TMC1: variants seen among roughly 807,000 people sequenced by gnomAD.
TMC1 encodes transmembrane channel like 1.
Under a neutral mutation model 105.8 loss-of-function variants are expected in TMC1, and 84 were observed. The observed-to-expected ratio is 0.79, with a 90% CI of 0.67 to 0.95. The LOEUF (loss-of-function observed/expected upper bound fraction) is 0.95. Among genes scored for constraint, TMC1 ranks in the 40% least tolerant of loss-of-function variants. The probability of loss-of-function intolerance (pLI) is 0.00; values close to 1 mark genes in which losing one functional copy is unlikely to be tolerated. For synonymous variants in TMC1, 315 were observed against 311.5 expected (o/e 1.01, Z -0.12); for missense variants, 817 against 914.1 (o/e 0.89, Z 1.37).
At chr9:72,680,630 A>G (rs1172540393) in intron 5 of TMC1, among the ~76,000 whole-genome samples, 1 of 152,018 alleles carries the variant, frequency 6.6e-6, no homozygotes, top group African/African-American at 2.4e-5. Flanking sequence ...TAAGTTCTAT[A>G]TTGCTCTCAT....
chr9:72,527,804 G>T (rs1015335669), intron 1 of TMC1, among the ~76,000 whole-genome samples: 3 of 152,172 alleles, frequency 2.0e-5, no homozygotes, highest in African/African-American at 7.2e-5. Flanking sequence ...TGGGTGTTCT[G>T]CCTCTATCGC....
At chr9:72,736,441 T>C (rs769585084) in intron 8 of TMC1, among the ~76,000 whole-genome samples, 5 of 152,170 alleles carry the variant, frequency 3.3e-5, no homozygotes, top group Non-Finnish European at 7.4e-5. Flanking sequence ...TTGGTAGAAA[T>C]ATGGAGTAGC....
intron 3 of TMC1, among the ~76,000 whole-genome samples, chr9:72,627,349 C>T (rs1325986607): frequency 6.6e-6 from 1 of 152,102 alleles, no homozygotes; most frequent in Non-Finnish European, 1.5e-5. Context: ...TGGGACCCTG[C>T]TTATCCCAGT....
chr9:72,785,305 A>C (rs1393389344), intron 13 of TMC1, among the ~76,000 whole-genome samples: 1 of 152,122 alleles, frequency 6.6e-6, no homozygotes, highest in African/African-American at 2.4e-5. Flanking sequence ...ACTTTAACTA[A>C]ATTTTAATCA....
intron 8 of TMC1, among the ~76,000 whole-genome samples, chr9:72,721,633 T>C (rs1366986252): frequency 1.3e-5 from 2 of 152,176 alleles, no homozygotes; most frequent in South Asian, 2.1e-4. Flanking sequence ...ACAGGGCCCA[T>C]GTGAGTATGG....
chr9:72,568,788 G>T (rs780019534), intron 1 of TMC1, among the ~76,000 whole-genome samples: 4 of 152,222 alleles, frequency 2.6e-5, no homozygotes, highest in Middle Eastern at 6.8e-3. Flanking sequence ...ATACTTCTCT[G>T]AAATAAAAGT....
chr9:72,604,523 G>A (rs1205152548), intron 2 of TMC1, among the ~76,000 whole-genome samples: 1 of 152,114 alleles, frequency 6.6e-6, no homozygotes, highest in African/African-American at 2.4e-5. Flanking sequence ...CTCTGGTATT[G>A]CAGTTTTCCT....
chr9:72,700,660 TA>T lies in TMC1; in HGVS notation c.362+18del, dbSNP rs1219574411. On this transcript the variant is annotated intron_variant, in intron 8 of 23. Transcript: ENST00000297784. ...AGTTCTCAAGTATGGTGCCACTTTT[TA>T]TAAGTAGAAACACTTTCCCTGATAT... 21 of 1,573,758 alleles carry T rather than the reference TA, an allele frequency of 1.3e-5. No individual in the cohort carries two copies. The highest frequency in any genetic ancestry group is 1.8e-5 in the Non-Finnish European group (21 of 1,154,652).
chr9:72,702,035 G>C (rs184456983), intron 8 of TMC1, among the ~76,000 whole-genome samples: 1 of 152,084 alleles, frequency 6.6e-6, no homozygotes, highest in Non-Finnish European at 1.5e-5. Context: ...TTCATTTAGC[G>C]AAGTGATAAT....
intron 3 of TMC1, among the ~76,000 whole-genome samples, chr9:72,623,380 C>G (rs1461343716): frequency 6.6e-6 from 1 of 152,072 alleles, no homozygotes; most frequent in Non-Finnish European, 1.5e-5. Context: ...GGTCTATGGG[C>G]TCTGCCAAAC....
At chr9:72,748,300 AT>A (rs1827526322) in intron 10 of TMC1, among the ~76,000 whole-genome samples, 2 of 152,348 alleles carry the variant, frequency 1.3e-5, no homozygotes, top group South Asian at 2.1e-4. Context: ...TGATCATTAA[AT>A]AAGTTAATAC....
chr9:72,643,325 G>A (rs1481321113), intron 4 of TMC1, among the ~76,000 whole-genome samples: 2 of 152,098 alleles, frequency 1.3e-5, no homozygotes, highest in Non-Finnish European at 2.9e-5. Context: ...TTCACATGGA[G>A]AAACAGCCCT....
chr9:72,691,476 T>TC (rs1826465949), intron 6 of TMC1, among the ~76,000 whole-genome samples: 1 of 152,198 alleles, frequency 6.6e-6, no homozygotes, highest in Non-Finnish European at 1.5e-5. Context: ...GAGAAGAGTT[T>TC]CACCAATGAG....
chr9:72,629,833 G>C (rs1195028974), intron 4 of TMC1, among the ~76,000 whole-genome samples: 5 of 151,948 alleles, frequency 3.3e-5, no homozygotes, highest in Admixed American at 2.0e-4. Context: ...CAATATGATA[G>C]ATATTTTCCT....
intron 1 of TMC1, among the ~76,000 whole-genome samples, chr9:72,575,342 G>A (rs1421778597): frequency 1.3e-5 from 2 of 151,858 alleles, no homozygotes; most frequent in African/African-American, 2.4e-5. Context: ...CACCAAGCCC[G>A]GCTAATTTTT....
intron 1 of TMC1, among the ~76,000 whole-genome samples, chr9:72,554,082 A>C (rs1189877553): frequency 1.3e-5 from 2 of 152,252 alleles, no homozygotes; most frequent in East Asian, 3.9e-4. Flanking sequence ...TCTTGACTTC[A>C]TATTCTTCAA....
intron 5 of TMC1, among the ~76,000 whole-genome samples, chr9:72,665,830 T>G (rs1826034281): frequency 6.6e-6 from 1 of 152,256 alleles, no homozygotes; most frequent in South Asian, 2.1e-4. Context: ...TGTAGATGTA[T>G]GCACTACCAA....
At chr9:72,572,725 A>C (rs1174790517) in intron 1 of TMC1, among the ~76,000 whole-genome samples, 5 of 152,266 alleles carry the variant, frequency 3.3e-5, no homozygotes, top group African/African-American at 7.2e-5. Flanking sequence ...ATGGTGGTTC[A>C]TGACTGTAAT....
At chr9:72,774,286 T>C (rs1827974923) in intron 13 of TMC1, among the ~76,000 whole-genome samples, 1 of 152,184 alleles carries the variant, frequency 6.6e-6, no homozygotes, top group African/African-American at 2.4e-5. Flanking sequence ...CTAGTAGTCA[T>C]TAAATAAATA....
Sources: allele counts gnomAD v4.1 joint callset (sites outside exome capture counted in the v4.1 genomes callset), GRCh38; gene constraint gnomAD v4.1.1; transcripts MANE v1.5; gene names NCBI Gene and HGNC (gene_info 2026-07-23, HGNC 2026-07-21).